The following RPTOR variants were observed in gnomAD, a reference collection of about 807,000 sequenced individuals.
RPTOR encodes the protein regulatory associated protein of MTOR complex 1.
RPTOR carries 21 observed loss-of-function variants against 169.9 expected under a neutral mutation model. The observed-to-expected ratio is 0.12, with a 90% CI of 0.09 to 0.18. The LOEUF (loss-of-function observed/expected upper bound fraction) is 0.18. Among genes scored for constraint, RPTOR ranks in the 10% least tolerant of loss-of-function variants. RPTOR has a pLI of 1.00. For synonymous variants in RPTOR, 732 were observed against 753.2 expected, an observed-to-expected ratio of 0.97 and a Z score of 0.46; for missense variants, 1,133 against 1,855.9, an observed-to-expected ratio of 0.61 and a Z score of 7.16.
At chr17:80,765,431 C>T (rs2066776590) in intron 6 of RPTOR, among the ~76,000 whole-genome samples, 1 of 152,156 alleles carries the variant, frequency 6.6e-6, no homozygotes, top group South Asian at 2.1e-4. Context: ...TGTTTCTTAA[C>T]GTTTGGTTGA....
intron 7 of RPTOR, among the ~76,000 whole-genome samples, chr17:80,812,546 T>C (rs1172650902): frequency 6.6e-6 from 1 of 151,988 alleles, no homozygotes; most frequent in Non-Finnish European, 1.5e-5. Context: ...CCCAGCCCCA[T>C]GAGCCTGCCG....
chr17:80,750,615 G>A (rs2066621577), intron 5 of RPTOR, among the ~76,000 whole-genome samples: 1 of 152,250 alleles, frequency 6.6e-6, no homozygotes, highest in South Asian at 2.1e-4. Flanking sequence ...CTGAGTAGCT[G>A]CAGGTCCACG....
chr17:80,571,853 G>C (rs2064909808), intron 1 of RPTOR, among the ~76,000 whole-genome samples: 1 of 152,142 alleles, frequency 6.6e-6, no homozygotes, highest in Admixed American at 6.5e-5. Context: ...TCCTACCTGT[G>C]CGTCTCTAAA....
intron 24 of RPTOR, among the ~76,000 whole-genome samples, chr17:80,940,169 C>G (rs1393817756): frequency 7.3e-6 from 1 of 137,120 alleles, no homozygotes; most frequent in Admixed American, 7.6e-5. Flanking sequence ...CAGATTCAAC[C>G]AATTTTGGAT....
At chr17:80,578,542 A>T (rs2064986386) in intron 1 of RPTOR, among the ~76,000 whole-genome samples, 1 of 152,204 alleles carries the variant, frequency 6.6e-6, no homozygotes. Flanking sequence ...TAGAAGGTGT[A>T]TCCACCAAGA....
intron 3 of RPTOR, among the ~76,000 whole-genome samples, chr17:80,700,005 T>C (rs1226551411): frequency 6.6e-6 from 1 of 152,156 alleles, no homozygotes; most frequent in Non-Finnish European, 1.5e-5. Flanking sequence ...ACAAGGGACA[T>C]TTAACATGAT....
chr17:80,551,756 T>G (rs1246571717), intron 1 of RPTOR, among the ~76,000 whole-genome samples: 1 of 152,120 alleles, frequency 6.6e-6, no homozygotes, highest in African/African-American at 2.4e-5. Flanking sequence ...ACAGACCCTT[T>G]ACGGGTGTCG....
At chr17:80,783,755 T>C (rs1053803273) in intron 6 of RPTOR, among the ~76,000 whole-genome samples, 1 of 152,256 alleles carries the variant, frequency 6.6e-6, no homozygotes, top group Non-Finnish European at 1.5e-5. Flanking sequence ...GTATTTCTCT[T>C]ACCAATGGAA....
intron 6 of RPTOR, among the ~76,000 whole-genome samples, chr17:80,768,800 C>T (rs1299726728): frequency 6.6e-6 from 1 of 152,128 alleles, no homozygotes; most frequent in Non-Finnish European, 1.5e-5. Flanking sequence ...GGCAGTTTGG[C>T]TTCTTGTTTG....
chr17:80,595,260 A>G (rs776966591), intron 1 of RPTOR, among the ~76,000 whole-genome samples: 1 of 152,214 alleles, frequency 6.6e-6, no homozygotes, highest in Non-Finnish European at 1.5e-5. Context: ...TTACAAGGAA[A>G]TCAACCTTTA....
intron 4 of RPTOR, among the ~76,000 whole-genome samples, chr17:80,715,046 G>A (rs969284662): frequency 5.3e-5 from 8 of 152,154 alleles, no homozygotes; most frequent in African/African-American, 1.9e-4. Context: ...TCTGCCTTAA[G>A]GAAACAGAAA....
rs762913188 is a variant in RPTOR, at chr17:80,962,525, G to A, written c.3757G>A (p.Val1253Met). The A allele has an allele frequency of 6.2e-6, 10 of 1,613,754 alleles. No individual in the cohort carries two copies. The highest frequency in any genetic ancestry group is 5.1e-6 in the Non-Finnish European group (6 of 1,179,952). ...TGAGTCGGTAAATGTGCTTCAGATC[G>A]TGAAGGGGCTGACGGCCCTGGACAT... ...MPESVNVLQI[V>M]KGLTALDIHP... Residue 1253 changes from valine to methionine, a missense_variant, in exon 32 of 34, where the codon GTG (valine) becomes ATG (methionine). By Grantham distance (21) the Val-to-Met change is conservative. Around this residue, in one of 9 missense-constraint regions of RPTOR, gnomAD observed 410 missense variants for 623.7 expected, o/e 0.66. Coordinates refer to ENST00000306801, the MANE Select transcript of RPTOR (RefSeq NM_020761.3).
In RPTOR at chr17:80,959,797, C is replaced by CTGGG. The variant is rs2069310647; in HGVS notation, c.3478-280_3478-279insGGGT. 6.6e-6 allele frequency among the ~76,000 whole-genome samples: 1 copy of CTGGG among 152,202 alleles called. No individual in the cohort carries two copies. The highest frequency in any genetic ancestry group is 1.5e-5 in the Non-Finnish European group (1 of 68,026). On this transcript the variant is annotated intron_variant, in intron 29 of 33. Coordinates refer to ENST00000306801, the MANE Select transcript of RPTOR (RefSeq NM_020761.3). This position sits in a 1 kb window ranked among gnomAD's most constrained non-coding sequence, Gnocchi z 6.7. Reference sequence around the variant, plus strand: ...CGCTCGGGGTGGGGCTGGCCTCTGCCTCACTGGCTGGGTCCCAGGCGCCTC... The same window carrying CTGGG: ...CGCTCGGGGTGGGGCTGGCCTCTGCCTGGGTCACTGGCTGGGTCCCAGGCGCCTC...
At chr17:80,791,164 T>C (rs577337592) in intron 6 of RPTOR, among the ~76,000 whole-genome samples, 1 of 152,348 alleles carries the variant, frequency 6.6e-6, no homozygotes, top group East Asian at 1.9e-4. Context: ...TTATTAAGCA[T>C]CTCGGCGCTC....
chr17:80,770,584 A>G (rs2066832917), intron 6 of RPTOR, among the ~76,000 whole-genome samples: 2 of 152,120 alleles, frequency 1.3e-5, no homozygotes, highest in African/African-American at 4.8e-5. Flanking sequence ...TCTGTCACCT[A>G]CCATTTCTAA....
At chr17:80,593,534 TG>T (rs1292591028) in intron 1 of RPTOR, 1 of 154,706 alleles carries the variant, frequency 6.5e-6, no homozygotes, top group Non-Finnish European at 1.5e-5. Flanking sequence ...TGTGGAGTTT[TG>T]GTGTGTATCA....
At chr17:80,623,717 G>A (rs1159957720) in intron 1 of RPTOR, among the ~76,000 whole-genome samples, 1 of 151,954 alleles carries the variant, frequency 6.6e-6, no homozygotes, top group African/African-American at 2.4e-5. Flanking sequence ...TATATTTTTA[G>A]TAGAGACGAG....
In RPTOR at chr17:80,902,663, G is replaced by T. The variant is rs116297842; in HGVS notation, c.2402-6148G>T. Among the ~76,000 whole-genome samples, 270 of 152,376 alleles carry T rather than the reference G, an allele frequency of 1.8e-3. 2 individuals are homozygous for T. The highest frequency in any genetic ancestry group is 6.2e-3 in the African/African-American group (259 of 41,594). On this transcript the variant is annotated intron_variant, in intron 20 of 33. Coordinates refer to ENST00000306801, the MANE Select transcript of RPTOR (RefSeq NM_020761.3). The stretch of plus-strand genomic sequence containing the variant: ...GTGGAGCTGCTCAGGATGGAAGGAT[G>T]GCTGGAGACGGTCTGTGGCCTGTGT...
intron 4 of RPTOR, among the ~76,000 whole-genome samples, chr17:80,713,752 G>C (rs1214174112): frequency 1.3e-5 from 2 of 152,094 alleles, no homozygotes; most frequent in Non-Finnish European, 2.9e-5. Flanking sequence ...GCCAGTTCAT[G>C]AGCCAGGCAC....
Sources: allele counts gnomAD v4.1 joint callset (sites outside exome capture counted in the v4.1 genomes callset), GRCh38; gene constraint gnomAD v4.1.1; regional missense constraint gnomAD v4.1.1; non-coding constraint Gnocchi (gnomAD v3.1); transcripts MANE v1.5; gene names NCBI Gene and HGNC (gene_info 2026-07-23, HGNC 2026-07-21).